MDGA2: variants seen among roughly 807,000 people sequenced by gnomAD.
The protein encoded by MDGA2 is MAM domain-containing glycosylphosphatidylinositol anchor protein 2.
MDGA2 carries 40 observed loss-of-function variants against 117.8 expected under a neutral mutation model. The ratio of observed to expected loss-of-function variants is 0.34; its 90% CI spans 0.26 to 0.44. The LOEUF (loss-of-function observed/expected upper bound fraction) is 0.44, where lower values mean the gene tolerates loss of function less well. MDGA2 is among the 20% of genes least tolerant of loss of function. MDGA2 has a pLI of 1.00. For missense variants in MDGA2, 1,123 were observed against 1,250.6 expected (o/e 0.90, Z 1.54); for synonymous variants, 452 against 439.0 (o/e 1.03, Z -0.37).
At chr14:47,313,974 G>A (rs1056171262) in intron 1 of MDGA2, among the ~76,000 whole-genome samples, 8 of 152,212 alleles carry the variant, frequency 5.3e-5, no homozygotes, top group African/African-American at 1.9e-4. Flanking sequence ...CAGCATATAT[G>A]GAAAAATATA....
intron 1 of MDGA2, among the ~76,000 whole-genome samples, chr14:47,360,542 G>A (rs1393759303): frequency 6.6e-6 from 1 of 151,956 alleles, no homozygotes; most frequent in East Asian, 1.9e-4. Flanking sequence ...CTTTACATCT[G>A]TCAGGAATAT....
chr14:46,981,947 G>A (rs1886687382), intron 8 of MDGA2, among the ~76,000 whole-genome samples: 2 of 152,214 alleles, frequency 1.3e-5, no homozygotes, highest in Non-Finnish European at 2.9e-5. Flanking sequence ...ACTGACAGAA[G>A]TGATGGATAG....
At chr14:47,389,175 T>C (rs1230157825) in intron 1 of MDGA2, among the ~76,000 whole-genome samples, 1 of 143,330 alleles carries the variant, frequency 7.0e-6, no homozygotes, top group Non-Finnish European at 1.5e-5. Flanking sequence ...AGCACAGTAC[T>C]AGCAAATAGC....
intron 5 of MDGA2, among the ~76,000 whole-genome samples, chr14:47,117,490 G>T (rs1480908065): frequency 2.6e-5 from 4 of 152,156 alleles, no homozygotes; most frequent in Non-Finnish European, 5.9e-5. Flanking sequence ...GTCAAGAGGT[G>T]CACGTAACCT....
intron 1 of MDGA2, among the ~76,000 whole-genome samples, chr14:47,583,234 C>T (rs189630204): frequency 2.0e-5 from 3 of 151,796 alleles, no homozygotes; most frequent in Non-Finnish European, 2.9e-5. Flanking sequence ...GATAGAATGA[C>T]GTGAGGGAGA....
chr14:47,600,241 C>T (rs1896621387), intron 1 of MDGA2, among the ~76,000 whole-genome samples: 1 of 151,844 alleles, frequency 6.6e-6, no homozygotes, highest in Admixed American at 6.6e-5. Context: ...ACTAAAAATA[C>T]AAAAAAGCAG....
At chr14:47,432,689 T>C (rs1214417085) in intron 1 of MDGA2, among the ~76,000 whole-genome samples, 1 of 152,104 alleles carries the variant, frequency 6.6e-6, no homozygotes, top group Non-Finnish European at 1.5e-5. Flanking sequence ...ATTTTAAATA[T>C]GAATGTTAGA....
intron 1 of MDGA2, among the ~76,000 whole-genome samples, chr14:47,499,892 C>G (rs553298916): frequency 6.6e-6 from 1 of 152,060 alleles, no homozygotes; most frequent in Non-Finnish European, 1.5e-5. Flanking sequence ...AGGCATTTAT[C>G]TTTGTCCAGA....
chr14:47,383,084 C>T lies in MDGA2; in HGVS notation c.281-81534G>A, dbSNP rs187096673. 5.9e-5 allele frequency among the ~76,000 whole-genome samples: 9 copies of T among 152,280 alleles called. No individual in the cohort carries two copies. In the East Asian group the frequency reaches 1.5e-3, roughly 26 times the overall value. ...ATGGATGATGCTGGAAACCATTATT[C>T]TGAGCAAACTGTCACAAGGACAGAA... On this transcript the variant is annotated intron_variant, in intron 1 of 16. Transcript: ENST00000399232.
chr14:47,159,078 G>A (rs1465571551), intron 3 of MDGA2, among the ~76,000 whole-genome samples: 1 of 152,130 alleles, frequency 6.6e-6, no homozygotes, highest in East Asian at 1.9e-4. Flanking sequence ...GGATTTTTAG[G>A]GCAGTGGAAC....
At chr14:47,547,646 A>G (rs1438356906) in intron 1 of MDGA2, among the ~76,000 whole-genome samples, 1 of 152,210 alleles carries the variant, frequency 6.6e-6, no homozygotes, top group Non-Finnish European at 1.5e-5. Flanking sequence ...AAAGCATAAA[A>G]GTTGCTTACT....
chr14:47,200,385 A>G (rs1885448637), intron 3 of MDGA2, among the ~76,000 whole-genome samples: 1 of 152,098 alleles, frequency 6.6e-6, no homozygotes, highest in South Asian at 2.1e-4. Context: ...TCATATTTCT[A>G]AAACTATTCT....
chr14:47,088,922 A>G (rs1891009061), intron 6 of MDGA2, among the ~76,000 whole-genome samples: 1 of 152,312 alleles, frequency 6.6e-6, no homozygotes, highest in African/African-American at 2.4e-5. Context: ...TAAACTGTAA[A>G]CACTATGTTA....
At chr14:47,408,120 A>G (rs1254630562) in intron 1 of MDGA2, among the ~76,000 whole-genome samples, 1 of 147,202 alleles carries the variant, frequency 6.8e-6, no homozygotes, top group East Asian at 2.0e-4. Flanking sequence ...CAGTGGCACA[A>G]TCTTGGCTCA....
chr14:47,125,754 A>G (rs1881870012), intron 5 of MDGA2, among the ~76,000 whole-genome samples: 1 of 152,092 alleles, frequency 6.6e-6, no homozygotes, highest in African/African-American at 2.4e-5. Flanking sequence ...ATGCTAAGGT[A>G]GAGCAGACTA....
intron 8 of MDGA2, among the ~76,000 whole-genome samples, chr14:47,014,376 A>G (rs999223063): frequency 2.0e-5 from 3 of 152,168 alleles, no homozygotes; most frequent in Non-Finnish European, 2.9e-5. Context: ...GATTCAGCCT[A>G]TCCTTTGAAG....
chr14:46,875,327 C>A (rs561815181), intron 12 of MDGA2, among the ~76,000 whole-genome samples: 1 of 151,610 alleles, frequency 6.6e-6, no homozygotes, highest in Admixed American at 6.6e-5. Context: ...TTGGTACTTA[C>A]AAATAAAAAT....
At chr14:47,111,155 T>C (rs986056006) in intron 5 of MDGA2, among the ~76,000 whole-genome samples, 1 of 152,126 alleles carries the variant, frequency 6.6e-6, no homozygotes, top group Non-Finnish European at 1.5e-5. Flanking sequence ...GTAGGTACTA[T>C]TATTACTTTA....
intron 8 of MDGA2, among the ~76,000 whole-genome samples, chr14:46,987,617 T>C (rs779741921): frequency 1.2e-3 from 183 of 152,126 alleles, no homozygotes; most frequent in Admixed American, 4.2e-3. Context: ...GGAGCAACAC[T>C]CCTGTATCTC....
Sources: gnomAD v4.1 joint callset for allele counts (sites outside exome capture counted in the v4.1 genomes callset) on GRCh38, gnomAD v4.1.1 for gene constraint, MANE v1.5 for transcripts, NCBI Gene and HGNC (gene_info 2026-07-23, HGNC 2026-07-21) for gene names.